PAPSS1: variants seen among roughly 807,000 people sequenced by gnomAD.
PAPSS1 encodes the protein 3'-phosphoadenosine 5'-phosphosulfate synthase 1, also known as bifunctional 3'-phosphoadenosine 5'-phosphosulfate synthase 1.
Under a neutral mutation model 72.0 loss-of-function variants are expected in PAPSS1, and 50 were observed. The observed-to-expected ratio is 0.69, with a 90% CI of 0.55 to 0.88. PAPSS1 has a LOEUF of 0.88. Ranked by LOEUF, PAPSS1 falls within the 40% of genes least tolerant of loss-of-function variation. PAPSS1 has a pLI of 0.00. For synonymous variants in PAPSS1, 261 were observed against 263.6 expected (o/e 0.99, Z 0.09); for missense variants, 657 against 782.2 (o/e 0.84, Z 1.91).
intron 6 of PAPSS1, among the ~76,000 whole-genome samples, chr4:107,657,547 C>T (rs1297565705): frequency 6.6e-6 from 1 of 152,054 alleles, no homozygotes; most frequent in Non-Finnish European, 1.5e-5. Flanking sequence ...CATGGTGAAA[C>T]CCAGTCTCTA....
intron 10 of PAPSS1, among the ~76,000 whole-genome samples, chr4:107,635,132 TG>T (rs1160661253): frequency 1.3e-5 from 2 of 152,200 alleles, no homozygotes; most frequent in African/African-American, 4.8e-5. Flanking sequence ...TTTTCTAAAA[TG>T]TTTTATTTTT....
At chr4:107,624,799 A>G (rs999993879) in intron 11 of PAPSS1, among the ~76,000 whole-genome samples, 4 of 152,194 alleles carry the variant, frequency 2.6e-5, no homozygotes. Context: ...TTATAGTCAG[A>G]CTCTACATGT....
intron 9 of PAPSS1, among the ~76,000 whole-genome samples, chr4:107,650,931 A>G (rs558264403): frequency 1.3e-5 from 2 of 152,328 alleles, no homozygotes; most frequent in Non-Finnish European, 2.9e-5. Context: ...TTAGATCTCA[A>G]TGGCCAGAAA....
chr4:107,645,205 TAAA>T (rs142724086), intron 9 of PAPSS1, 135 bp from the exon 10 acceptor site: 907 of 402,364 alleles, frequency 2.3e-3, no homozygotes, highest in South Asian at 4.3e-3. Context: ...AGAAAACTGG[TAAA>T]AAAAAAAAAA....
intron 2 of PAPSS1, 69 bp from the exon 3 acceptor site, chr4:107,694,075 T>A: frequency 8.8e-7 from 1 of 1,133,782 alleles, no homozygotes; most frequent in East Asian, 2.5e-5. Context: ...TAATACTTTT[T>A]TTTTCCCAGA....
At chr4:107,645,243 G>T (rs553862323) in intron 9 of PAPSS1, among the ~76,000 whole-genome samples, 173 bp from the exon 10 acceptor site, 1 of 150,208 alleles carries the variant, frequency 6.7e-6, no homozygotes, top group Non-Finnish European at 1.5e-5. Flanking sequence ...GACCATTTAG[G>T]ATAACATGAC....
At chr4:107,685,656 G>C (rs1283691165) in intron 4 of PAPSS1, among the ~76,000 whole-genome samples, 1 of 152,212 alleles carries the variant, frequency 6.6e-6, no homozygotes, top group East Asian at 1.9e-4. Flanking sequence ...TCCCCATCAA[G>C]GAGCTGATTC....
At chr4:107,659,215 A>C (rs1039466078) in intron 6 of PAPSS1, among the ~76,000 whole-genome samples, 16 of 152,266 alleles carry the variant, frequency 1.1e-4, no homozygotes, top group Admixed American at 9.8e-4. Flanking sequence ...GTACCAATAT[A>C]ATTTACTCCC....
At chr4:107,634,552 A>G (rs1475414755) in intron 10 of PAPSS1, among the ~76,000 whole-genome samples, 5 of 152,076 alleles carry the variant, frequency 3.3e-5, no homozygotes, top group Non-Finnish European at 7.4e-5. Flanking sequence ...TACCAACAAA[A>G]TTAACAAGAT....
chr4:107,653,345 A>T, intron 9 of PAPSS1, 146 bp downstream of exon 9: 1 of 557,074 alleles, frequency 1.8e-6, no homozygotes, highest in Middle Eastern at 3.2e-4. Flanking sequence ...TACCCAGGCT[A>T]GTTTTGATTG....
chr4:107,614,116 T>G lies in PAPSS1; in HGVS notation c.*133A>C. 1.2e-6 allele frequency: 1 copy of G among 858,336 alleles called. No homozygotes were observed. Among genetic ancestry groups the G allele is most frequent in the Admixed American group, 2.8e-5 (1 of 35,840 alleles). 53.2% of individuals were successfully genotyped at this position (858,336 alleles called of 1,614,324 possible). A position where few individuals can be genotyped will look rare whatever the true frequency, so the allele number is the denominator to read the frequency against. On this transcript the variant is annotated 3_prime_UTR_variant, in exon 12 of 12. Coordinates refer to ENST00000265174, the MANE Select transcript of PAPSS1 (RefSeq NM_005443.5). ...AACTCATAAGGCAGACCAAAACTGATGCAAGTTAAGGAAAATGGTCTGTTT... is the reference window on the plus strand; with the variant it reads ...AACTCATAAGGCAGACCAAAACTGAGGCAAGTTAAGGAAAATGGTCTGTTT...
chr4:107,718,476 C>A (rs573026238), intron 1 of PAPSS1: 1 of 152,350 alleles, frequency 6.6e-6, no homozygotes, highest in Admixed American at 6.5e-5. Flanking sequence ...CTGAAATCCT[C>A]CATAAACCCT....
intron 4 of PAPSS1, 53 bp downstream of exon 4, chr4:107,686,986 T>C: frequency 6.7e-7 from 1 of 1,502,526 alleles, no homozygotes; most frequent in South Asian, 1.2e-5. Context: ...ATCCTAGATA[T>C]GGGAACATAA....
intron 1 of PAPSS1, among the ~76,000 whole-genome samples, chr4:107,707,211 C>T (rs1345173243): frequency 1.3e-5 from 2 of 152,168 alleles, no homozygotes; most frequent in African/African-American, 4.8e-5. Context: ...GTGGGCCAAC[C>T]TGGCTCTCAG....
chr4:107,700,729 G>T (rs1417226334), intron 2 of PAPSS1, among the ~76,000 whole-genome samples: 1 of 152,126 alleles, frequency 6.6e-6, no homozygotes, highest in Non-Finnish European at 1.5e-5. Context: ...TACAAACATA[G>T]CAAGAAGATG....
chr4:107,648,833 C>T (rs906412882), intron 9 of PAPSS1, among the ~76,000 whole-genome samples: 1 of 152,146 alleles, frequency 6.6e-6, no homozygotes, highest in African/African-American at 2.4e-5. Context: ...CTCCCCTCCT[C>T]CCTTGGGATT....
intron 5 of PAPSS1, among the ~76,000 whole-genome samples, chr4:107,679,803 T>C (rs1222193388): frequency 6.6e-6 from 1 of 151,974 alleles, no homozygotes; most frequent in Non-Finnish European, 1.5e-5. Flanking sequence ...ATAGGACTTT[T>C]TAACTGGGAT....
Position 107,703,538 on chromosome 4 carries a change from G to A in PAPSS1, c.61-2253C>T, listed in dbSNP as rs193133625. 5.6e-3 allele frequency among the ~76,000 whole-genome samples: 842 copies of A among 151,638 alleles called. 8 individuals are homozygous for A. The highest frequency in any genetic ancestry group is 0.019 in the African/African-American group (791 of 41,384). ...AATTCACTTTGAGTTTTTTTTATATGAGGTGAGATAAGGGTCTAACTTCAT... is the reference window on the plus strand; with the variant it reads ...AATTCACTTTGAGTTTTTTTTATATAAGGTGAGATAAGGGTCTAACTTCAT... On this transcript the variant is annotated intron_variant, in intron 1 of 11. Transcript: ENST00000265174.
At chr4:107,719,541 C>T (rs1431276091) in intron 1 of PAPSS1, among the ~76,000 whole-genome samples, 2 of 152,220 alleles carry the variant, frequency 1.3e-5, no homozygotes, top group Non-Finnish European at 2.9e-5. Context: ...CACAGAGACA[C>T]AAAGAACCTC....
Sources: gnomAD v4.1 joint callset for allele counts (sites outside exome capture counted in the v4.1 genomes callset) on GRCh38, gnomAD v4.1.1 for gene constraint, MANE v1.5 for transcripts, NCBI Gene and HGNC (gene_info 2026-07-23, HGNC 2026-07-21) for gene names.